The following CACHD1 variants were observed in gnomAD, a reference collection of about 807,000 sequenced individuals.
CACHD1 encodes the protein VWFA and cache domain-containing protein 1.
In CACHD1, 71 loss-of-function variants were observed where a neutral mutation model predicts 138.7. The ratio of observed to expected loss-of-function variants is 0.51; its 90% CI spans 0.42 to 0.62. CACHD1 has a LOEUF of 0.62. CACHD1 is among the 20% of genes least tolerant of loss of function. The pLI, the probability that CACHD1 is intolerant of heterozygous loss-of-function variation, is 0.00. For missense variants in CACHD1, 1,389 were observed against 1,625.3 expected (o/e 0.85, Z 2.50); for synonymous variants, 578 against 591.5 (o/e 0.98, Z 0.33).
chr1:64,491,081 A>G (rs1570300856), intron 1 of CACHD1, among the ~76,000 whole-genome samples: 1 of 152,332 alleles, frequency 6.6e-6, no homozygotes, highest in Non-Finnish European at 1.5e-5. Context: ...TGATATGACT[A>G]ATATTAATAA....
intron 22 of CACHD1, 68 bp from the exon 23 acceptor site, chr1:64,678,090 GC>G (rs1046000886): frequency 3.3e-6 from 5 of 1,501,796 alleles, no homozygotes; most frequent in Non-Finnish European, 4.5e-6. Flanking sequence ...ACTGTCTGAT[GC>G]CCACACTTAA....
chr1:64,623,151 C>CA (rs1397605758), intron 4 of CACHD1, among the ~76,000 whole-genome samples: 1 of 151,948 alleles, frequency 6.6e-6, no homozygotes, highest in Non-Finnish European at 1.5e-5. Flanking sequence ...CCTGTAATCC[C>CA]AACACTTTGG....
At chr1:64,576,633 A>G (rs747248701) in intron 2 of CACHD1, among the ~76,000 whole-genome samples, 1 of 152,202 alleles carries the variant, frequency 6.6e-6, no homozygotes, top group Non-Finnish European at 1.5e-5. Flanking sequence ...CCCAGTAGTC[A>G]AGAGACTTGT....
At position 64,643,919 on chromosome 1, in the gene CACHD1, C is replaced by T. The variant is rs549566240; in HGVS notation, c.1156+1950C>T. ...CAGACAGTATAGCTCAGAGGTGGAG[C>T]TCTGCCATCCAGGGCCAGATCTCTG... On this transcript the variant is annotated intron_variant, in intron 8 of 26. Coordinates refer to ENST00000651257, the MANE Select transcript of CACHD1 (RefSeq NM_020925.4). 2.0e-5 allele frequency among the ~76,000 whole-genome samples: 3 copies of T among 152,358 alleles called. No homozygotes were observed. In the East Asian group the frequency reaches 5.8e-4, roughly 29 times the overall value.
intron 1 of CACHD1, among the ~76,000 whole-genome samples, chr1:64,503,858 A>G (rs1353300045): frequency 2.0e-5 from 3 of 152,178 alleles, no homozygotes; most frequent in African/African-American, 7.2e-5. Flanking sequence ...CCATCAGCAT[A>G]GTGACCTGTG....
At chr1:64,612,502 A>G (rs766780714) in intron 4 of CACHD1, among the ~76,000 whole-genome samples, 2 of 152,166 alleles carry the variant, frequency 1.3e-5, no homozygotes, top group Non-Finnish European at 2.9e-5. Context: ...GAAAATACCT[A>G]GGTCATTGAA....
At chr1:64,552,535 T>A (rs570772756) in intron 2 of CACHD1, among the ~76,000 whole-genome samples, 2 of 151,086 alleles carry the variant, frequency 1.3e-5, no homozygotes, top group African/African-American at 4.9e-5. Flanking sequence ...AGTGGTGGGA[T>A]CATAGCTCAC....
intron 1 of CACHD1, among the ~76,000 whole-genome samples, chr1:64,500,734 A>AAAAAAAAAAAAAAAAAAAG (rs1646334067): frequency 7.6e-5 from 2 of 26,458 alleles, no homozygotes; most frequent in African/African-American, 1.7e-4. Flanking sequence ...AAAAAAAAAA[A>AAAAAAAAAAAAAAAAAAAG]AGAGAGAGAG....
chr1:64,576,800 G>T (rs1386328091), intron 2 of CACHD1, among the ~76,000 whole-genome samples: 1 of 152,034 alleles, frequency 6.6e-6, no homozygotes, highest in African/African-American at 2.4e-5. Flanking sequence ...TTGCCAGGTG[G>T]CAAACCAACA....
intron 3 of CACHD1, among the ~76,000 whole-genome samples, chr1:64,586,726 T>G (rs907867768): frequency 6.6e-6 from 1 of 151,456 alleles, no homozygotes; most frequent in Non-Finnish European, 1.5e-5. Flanking sequence ...ATGTCAACAG[T>G]TTTTTTTTCT....
rs375803079 is a variant in CACHD1, at chr1:64,631,543, T to C, written c.645-1056T>C. 1.2e-4 allele frequency among the ~76,000 whole-genome samples: 19 copies of C among 152,338 alleles called. 3 individuals are homozygous for C. Among genetic ancestry groups the C allele is most frequent in the Admixed American group, 5.2e-4 (8 of 15,308 alleles). ...TGTGCCCAGGCTTTTGTGATTCAGC[T>C]GGCATCTAACATTTCACAGGAAAAT... is the stretch of plus-strand genomic sequence containing the variant. On this transcript the variant is annotated intron_variant, in intron 5 of 26. Transcript: ENST00000651257.
chr1:64,556,712 G>A (rs748001386), intron 2 of CACHD1, among the ~76,000 whole-genome samples: 6 of 152,192 alleles, frequency 3.9e-5, no homozygotes, highest in Non-Finnish European at 7.3e-5. Flanking sequence ...TTCAGAGAGT[G>A]TGGGTCTAAA....
intron 3 of CACHD1, among the ~76,000 whole-genome samples, chr1:64,588,173 C>T (rs534475887): frequency 1.3e-5 from 2 of 152,226 alleles, no homozygotes; most frequent in South Asian, 2.1e-4. Context: ...AAAGACCATA[C>T]GATATTAATA....
At chr1:64,581,569 A>C (rs747501647) in intron 2 of CACHD1, among the ~76,000 whole-genome samples, 3 of 152,224 alleles carry the variant, frequency 2.0e-5, no homozygotes, top group Admixed American at 6.5e-5. Flanking sequence ...TTAAAGGTGT[A>C]GCAGACCAAA....
At chr1:64,586,529 T>C (rs1033256485) in intron 3 of CACHD1, among the ~76,000 whole-genome samples, 3 of 152,184 alleles carry the variant, frequency 2.0e-5, no homozygotes, top group African/African-American at 7.2e-5. Flanking sequence ...TAGGGAGATT[T>C]GGTTTTGAAT....
At chr1:64,623,527 C>T (rs1570426902) in intron 4 of CACHD1, among the ~76,000 whole-genome samples, 1 of 152,074 alleles carries the variant, frequency 6.6e-6, no homozygotes, top group African/African-American at 2.4e-5. Flanking sequence ...GAATGTGTGC[C>T]TCAATGTGAA....
chr1:64,619,500 A>G (rs1343157124), intron 4 of CACHD1, among the ~76,000 whole-genome samples: 1 of 152,172 alleles, frequency 6.6e-6, no homozygotes, highest in African/African-American at 2.4e-5. Context: ...CTTGCATTTT[A>G]TGATATTACT....
At chr1:64,659,088 A>G (rs1242589454) in intron 13 of CACHD1, among the ~76,000 whole-genome samples, 2 of 152,168 alleles carry the variant, frequency 1.3e-5, no homozygotes, top group African/African-American at 4.8e-5. Context: ...CGCGATTTAT[A>G]TAGGATGGGC....
At chr1:64,553,267 G>A (rs927603452) in intron 2 of CACHD1, among the ~76,000 whole-genome samples, 3 of 152,094 alleles carry the variant, frequency 2.0e-5, no homozygotes, top group East Asian at 1.9e-4. Context: ...AATTGAACAC[G>A]GGATTTCTCA....
Sources: gnomAD v4.1 joint callset for allele counts (sites outside exome capture counted in the v4.1 genomes callset) on GRCh38, gnomAD v4.1.1 for gene constraint, MANE v1.5 for transcripts, NCBI Gene and HGNC (gene_info 2026-07-23, HGNC 2026-07-21) for gene names.